CTNNA2: variants seen among roughly 807,000 people sequenced by gnomAD.
CTNNA2 encodes catenin alpha 2.
In CTNNA2, 42 loss-of-function variants were observed where a neutral mutation model predicts 101.0. The ratio of observed to expected loss-of-function variants is 0.42; its 90% CI spans 0.32 to 0.54. The LOEUF (loss-of-function observed/expected upper bound fraction) is 0.54. Ranked by LOEUF, CTNNA2 falls within the 20% of genes least tolerant of loss-of-function variation. The probability of loss-of-function intolerance (pLI) is 0.14; values close to 1 mark genes in which losing one functional copy is unlikely to be tolerated. For synonymous variants in CTNNA2, 450 were observed against 456.4 expected, an observed-to-expected ratio of 0.99 and a Z score of 0.18; for missense variants, 871 against 1,223.1, an observed-to-expected ratio of 0.71 and a Z score of 4.29.
At chr2:79,708,762 T>C (rs958904594) in intron 2 of CTNNA2, among the ~76,000 whole-genome samples, 12 of 152,154 alleles carry the variant, frequency 7.9e-5, no homozygotes, top group Admixed American at 5.2e-4. Context: ...TAATGACAAT[T>C]TTTGCAAATT....
chr2:80,225,031 A>AC (rs1367938853), intron 7 of CTNNA2, among the ~76,000 whole-genome samples: 6 of 152,038 alleles, frequency 3.9e-5, no homozygotes, highest in African/African-American at 1.2e-4. Context: ...TATCACATGG[A>AC]CCCCATTCTA....
chr2:79,860,546 G>GTTT lies in CTNNA2; in HGVS notation c.465+2384_465+2386dup, dbSNP rs56929879. On this transcript the variant is annotated intron_variant, in intron 4 of 18. Transcript: ENST00000402739. ...TTCTCCACACAGCCGAGTAAGGGAAGTTTTTTTTTTTTTTTTTTTAACGAT... is the reference window on the plus strand; with the variant it reads ...TTCTCCACACAGCCGAGTAAGGGAAGTTTTTTTTTTTTTTTTTTTTTTAACGAT... 2.9e-3 allele frequency among the ~76,000 whole-genome samples: 315 copies of GTTT among 107,190 alleles called. 16 individuals are homozygous for GTTT. Among genetic ancestry groups the GTTT allele is most frequent in the African/African-American group, 0.01 (282 of 27,090 alleles). 70.3% of individuals were successfully genotyped at this position (107,190 alleles called of 152,430 possible).
intron 9 of CTNNA2, among the ~76,000 whole-genome samples, chr2:80,495,234 C>T (rs1687357613): frequency 6.6e-6 from 1 of 152,204 alleles, no homozygotes; most frequent in African/African-American, 2.4e-5. Flanking sequence ...GGTCCTTTTA[C>T]AAATTCAAGT....
chr2:79,454,141 A>G (rs1299964170), intron 4 of CTNNA2, among the ~76,000 whole-genome samples: 2 of 152,056 alleles, frequency 1.3e-5, no homozygotes, highest in Admixed American at 6.6e-5. Context: ...CATGGTGCTG[A>G]TACTCTTCAT....
At chr2:79,798,462 A>AT (rs1191120367) in intron 3 of CTNNA2, among the ~76,000 whole-genome samples, 2 of 151,244 alleles carry the variant, frequency 1.3e-5, no homozygotes, top group Non-Finnish European at 2.9e-5. Flanking sequence ...TTTTATCTTT[A>AT]TTTGAAATCT....
At chr2:79,368,746 G>A (rs1677805341) in intron 3 of CTNNA2, among the ~76,000 whole-genome samples, 1 of 152,130 alleles carries the variant, frequency 6.6e-6, no homozygotes, top group African/African-American at 2.4e-5. Context: ...ATCCTACTGG[G>A]TCACTCAAGG....
chr2:79,944,193 G>C (rs1353868835), intron 7 of CTNNA2, among the ~76,000 whole-genome samples: 1 of 151,266 alleles, frequency 6.6e-6, no homozygotes, highest in Non-Finnish European at 1.5e-5. Flanking sequence ...TGGGAGGGTG[G>C]GAACTAGGCA....
intron 7 of CTNNA2, among the ~76,000 whole-genome samples, chr2:79,913,044 G>A (rs1364684370): frequency 1.3e-5 from 2 of 152,178 alleles, no homozygotes. Flanking sequence ...GATACAGAAA[G>A]TACCAGAACA....
At chr2:80,413,403 A>G (rs1195866267) in intron 8 of CTNNA2, among the ~76,000 whole-genome samples, 1 of 152,190 alleles carries the variant, frequency 6.6e-6, no homozygotes, top group African/African-American at 2.4e-5. Flanking sequence ...TGTTTCTCGT[A>G]TAAGGAAAAC....
At chr2:80,524,372 G>A (rs930364774) in intron 9 of CTNNA2, among the ~76,000 whole-genome samples, 2 of 152,034 alleles carry the variant, frequency 1.3e-5, no homozygotes. Flanking sequence ...ATCTGACTCC[G>A]CCTACCTGCT....
intron 7 of CTNNA2, among the ~76,000 whole-genome samples, chr2:80,273,338 T>A (rs1673648291): frequency 6.6e-6 from 1 of 152,152 alleles, no homozygotes; most frequent in African/African-American, 2.4e-5. Flanking sequence ...AAGCTGAATC[T>A]GTCCATTTCC....
chr2:80,423,901 T>C (rs1028788967), intron 9 of CTNNA2, among the ~76,000 whole-genome samples: 1 of 152,174 alleles, frequency 6.6e-6, no homozygotes, highest in African/African-American at 2.4e-5. Flanking sequence ...TTTGCCCATT[T>C]TGGGGACAAA....
At chr2:80,045,396 G>T (rs764164620) in intron 7 of CTNNA2, among the ~76,000 whole-genome samples, 1 of 152,066 alleles carries the variant, frequency 6.6e-6, no homozygotes, top group East Asian at 1.9e-4. Context: ...TCACTATTTT[G>T]TTGGTTTCCC....
chr2:80,280,437 T>G lies in CTNNA2; in HGVS notation c.1057-112774T>G, dbSNP rs112142216. The stretch of plus-strand genomic sequence containing the variant: ...CAAAAACATAGGCACCTACCCTTGA[T>G]TTGAGCCCTTTAGAGAATGGTACAT... On this transcript the variant is annotated intron_variant, in intron 7 of 18. Coordinates refer to ENST00000402739, the MANE Select transcript of CTNNA2 (RefSeq NM_001282597.3). Among the ~76,000 whole-genome samples the G allele has an allele frequency of 9.2e-4, 140 of 151,804 alleles. 1 individual carries two copies. Among genetic ancestry groups the G allele is most frequent in the African/African-American group, 3.2e-3 (133 of 41,452 alleles).
chr2:79,840,561 A>C (rs1679720892), intron 3 of CTNNA2, among the ~76,000 whole-genome samples: 1 of 152,178 alleles, frequency 6.6e-6, no homozygotes, highest in East Asian at 1.9e-4. Flanking sequence ...AATCTCTCAC[A>C]TTCTCTCATC....
intron 2 of CTNNA2, among the ~76,000 whole-genome samples, chr2:79,699,617 T>C (rs1219133360): frequency 1.3e-5 from 2 of 151,764 alleles, no homozygotes; most frequent in African/African-American, 2.4e-5. Flanking sequence ...AAATATTTTA[T>C]GTTAAGAGAC....
intron 4 of CTNNA2, among the ~76,000 whole-genome samples, chr2:79,436,716 TC>T (rs1558666268): frequency 6.6e-6 from 1 of 151,902 alleles, no homozygotes; most frequent in South Asian, 2.1e-4. Flanking sequence ...ACTGCAAGCT[TC>T]CCCTCCTGGG....
Position 79,606,239 on chromosome 2 carries a change from A to G in CTNNA2, c.-5-45313A>G, listed in dbSNP as rs1434012969. Among the ~76,000 whole-genome samples the G allele has an allele frequency of 8.5e-5, 13 of 152,274 alleles. No homozygotes were observed. In the East Asian group the frequency reaches 2.5e-3, roughly 29 times the overall value. On this transcript the variant is annotated intron_variant, in intron 1 of 18. Transcript: ENST00000402739. ...ATAAGAGTAAATAGGTAAGAATTTTATCAAGTCTCTTGAAAATATTGAGTG... is the reference window on the plus strand; with the variant it reads ...ATAAGAGTAAATAGGTAAGAATTTTGTCAAGTCTCTTGAAAATATTGAGTG...
At chr2:79,964,745 A>G (rs368313608) in intron 7 of CTNNA2, among the ~76,000 whole-genome samples, 1 of 152,182 alleles carries the variant, frequency 6.6e-6, no homozygotes, top group African/African-American at 2.4e-5. Flanking sequence ...CCCAGTTCAT[A>G]TGGTGCCAAC....
Sources: allele counts gnomAD v4.1 joint callset (sites outside exome capture counted in the v4.1 genomes callset), GRCh38; gene constraint gnomAD v4.1.1; transcripts MANE v1.5; gene names NCBI Gene and HGNC (gene_info 2026-07-23, HGNC 2026-07-21).